TCF4: variants seen among roughly 807,000 people sequenced by gnomAD.
The protein encoded by TCF4 is transcription factor 4.
Under a neutral mutation model 82.1 loss-of-function variants are expected in TCF4, and 3 were observed. The ratio of observed to expected loss-of-function variants is 0.04; its 90% CI spans 0.02 to 0.09. The LOEUF is 0.09. TCF4 is among the 10% of genes least tolerant of loss of function. TCF4 has a pLI of 1.00. For synonymous variants in TCF4, 276 were observed against 309.6 expected (o/e 0.89, Z 1.14); for missense variants, 518 against 852.7 (o/e 0.61, Z 4.89).
chr18:55,351,059 C>T (rs2082214426), intron 6 of TCF4, 56 bp from the exon 7 acceptor site: 1 of 1,605,580 alleles, frequency 6.2e-7, no homozygotes, highest in South Asian at 1.1e-5. Context: ...ACTTTCACCA[C>T]CTCCCAACTG....
chr18:55,409,408 A>G (rs933021056), intron 5 of TCF4, among the ~76,000 whole-genome samples: 71 of 152,190 alleles, frequency 4.7e-4, no homozygotes, highest in African/African-American at 1.5e-3. Context: ...GGGTCTCACT[A>G]TGTTACCCAA....
At chr18:55,239,599 T>G (rs60565673) in intron 15 of TCF4, among the ~76,000 whole-genome samples, 53,590 of 152,042 alleles carry the variant, frequency 0.35, 9,498 homozygotes, top group Middle Eastern at 0.41. Context: ...AATCATTTCC[T>G]TTTTCTTTAT....
intron 8 of TCF4, among the ~76,000 whole-genome samples, chr18:55,331,811 G>T (rs2077619545): frequency 6.6e-6 from 1 of 152,178 alleles, no homozygotes; most frequent in Non-Finnish European, 1.5e-5. Context: ...ATTATAATCT[G>T]CTGAGGATCA....
At chr18:55,574,720 G>C (rs1042873740) in intron 3 of TCF4, among the ~76,000 whole-genome samples, 2 of 152,014 alleles carry the variant, frequency 1.3e-5, no homozygotes, top group African/African-American at 2.4e-5. Flanking sequence ...TCCCAGTGCT[G>C]AAGTTGAAAT....
intron 8 of TCF4, among the ~76,000 whole-genome samples, chr18:55,329,422 A>T (rs2077136360): frequency 6.6e-6 from 1 of 152,238 alleles, no homozygotes; most frequent in South Asian, 2.1e-4. Context: ...ATTAAAAGAC[A>T]ACAACTTAGA....
intron 3 of TCF4, among the ~76,000 whole-genome samples, chr18:55,528,522 C>T (rs796085168): frequency 2.0e-5 from 3 of 152,096 alleles, no homozygotes; most frequent in African/African-American, 4.8e-5. Context: ...AAAATCTTCT[C>T]GAGTCTAAGA....
At chr18:55,419,850 A>G (rs1405527195) in intron 5 of TCF4, among the ~76,000 whole-genome samples, 2 of 152,256 alleles carry the variant, frequency 1.3e-5, no homozygotes, top group Non-Finnish European at 2.9e-5. Context: ...TGGCAGGAAC[A>G]CTGGCTTCGC....
chr18:55,483,335 G>T (rs1159345106), intron 3 of TCF4, among the ~76,000 whole-genome samples: 1 of 152,178 alleles, frequency 6.6e-6, no homozygotes, highest in Non-Finnish European at 1.5e-5. Context: ...TGCTATAAAG[G>T]TTAGTTTGGC....
chr18:55,379,887 G>T (rs2091578503), intron 6 of TCF4, among the ~76,000 whole-genome samples: 1 of 152,084 alleles, frequency 6.6e-6, no homozygotes, highest in African/African-American at 2.4e-5. Context: ...TGGAGGGGTT[G>T]GGGAGAGAGA....
chr18:55,611,873 A>G (rs547868065), intron 2 of TCF4, among the ~76,000 whole-genome samples: 9 of 152,240 alleles, frequency 5.9e-5, no homozygotes, highest in Admixed American at 5.9e-4. Context: ...AATTCAAGCG[A>G]TTCTCTTGCC....
At chr18:55,597,676 AAG>A (rs1469853560) in intron 2 of TCF4, among the ~76,000 whole-genome samples, 1 of 152,180 alleles carries the variant, frequency 6.6e-6, no homozygotes, top group Non-Finnish European at 1.5e-5. Flanking sequence ...CAAAAAAAAA[AAG>A]GTAAAAGTTT....
intron 3 of TCF4, among the ~76,000 whole-genome samples, chr18:55,511,118 G>C (rs1212056911): frequency 6.6e-6 from 1 of 152,002 alleles, no homozygotes; most frequent in Non-Finnish European, 1.5e-5. Flanking sequence ...GTTGATGTCT[G>C]AGTAGGTCTG....
chr18:55,374,378 C>T (rs1323937474), intron 6 of TCF4, among the ~76,000 whole-genome samples: 3 of 146,868 alleles, frequency 2.0e-5, no homozygotes, highest in Non-Finnish European at 3.0e-5. Context: ...ACACACAAAC[C>T]TCTGGCAAGT....
chr18:55,632,047 GT>G (rs1222551333), intron 1 of TCF4, among the ~76,000 whole-genome samples: 1 of 151,916 alleles, frequency 6.6e-6, no homozygotes, highest in Non-Finnish European at 1.5e-5. Flanking sequence ...TTTTTGTTTT[GT>G]TTTGTTTTGA....
chr18:55,234,961 C>G (rs1259095211), intron 15 of TCF4, among the ~76,000 whole-genome samples: 2 of 152,230 alleles, frequency 1.3e-5, no homozygotes, highest in South Asian at 2.1e-4. Flanking sequence ...TGCAGTGGAG[C>G]GCACTGATTC....
intron 3 of TCF4, among the ~76,000 whole-genome samples, chr18:55,571,600 T>A (rs978211639): frequency 3.3e-5 from 5 of 152,168 alleles, no homozygotes; most frequent in African/African-American, 1.2e-4. Flanking sequence ...ATAAAATATG[T>A]TTTCTAATAT....
chr18:55,387,734 C>T (rs2092716820), intron 6 of TCF4, among the ~76,000 whole-genome samples: 1 of 152,186 alleles, frequency 6.6e-6, no homozygotes. Flanking sequence ...GCAAACGACA[C>T]CCTCTGGCTC....
intron 15 of TCF4, among the ~76,000 whole-genome samples, chr18:55,252,911 C>A (rs1453887188): frequency 6.6e-6 from 1 of 152,000 alleles, no homozygotes; most frequent in Admixed American, 6.6e-5. Context: ...TATATGCATC[C>A]CAAGTGTATT....
intron 5 of TCF4, among the ~76,000 whole-genome samples, chr18:55,436,235 G>A (rs1308902236): frequency 6.6e-6 from 1 of 152,118 alleles, no homozygotes; most frequent in Non-Finnish European, 1.5e-5. Context: ...TCTGTGATTA[G>A]AAAAAAGTTC....
Sources: gnomAD v4.1 joint callset for allele counts (sites outside exome capture counted in the v4.1 genomes callset) on GRCh38, gnomAD v4.1.1 for gene constraint, MANE v1.5 for transcripts, NCBI Gene and HGNC (gene_info 2026-07-23, HGNC 2026-07-21) for gene names.